The following NUP155 variants were observed in gnomAD, a reference collection of about 807,000 sequenced individuals.
NUP155 encodes the protein nucleoporin 155.
Under a neutral mutation model 180.4 loss-of-function variants are expected in NUP155, and 71 were observed. The observed-to-expected ratio is 0.39, with a 90% CI of 0.33 to 0.48. NUP155 has a LOEUF of 0.48. NUP155 is among the 20% of genes least tolerant of loss of function. NUP155 has a pLI of 0.91. For synonymous variants in NUP155, 582 were observed against 559.5 expected, an observed-to-expected ratio of 1.04 and a Z score of -0.57; for missense variants, 1,553 against 1,648.9, an observed-to-expected ratio of 0.94 and a Z score of 1.01.
At chr5:37,318,521 A>C (rs1335432986) in intron 20 of NUP155, among the ~76,000 whole-genome samples, 2 of 149,510 alleles carry the variant, frequency 1.3e-5, no homozygotes, top group Non-Finnish European at 2.9e-5. Flanking sequence ...CCCAAATCTG[A>C]AACGTTTTGC....
chr5:37,319,658 G>C (rs1339858362), intron 20 of NUP155, among the ~76,000 whole-genome samples: 2 of 152,120 alleles, frequency 1.3e-5, no homozygotes, highest in African/African-American at 4.8e-5. Flanking sequence ...CTAAGCCCAG[G>C]AGTGCAAGAT....
At chr5:37,301,019 T>G (rs1050526470) in intron 30 of NUP155, 2 of 194,566 alleles carry the variant, frequency 1.0e-5, no homozygotes, top group Admixed American at 1.1e-4. Flanking sequence ...AGACAGAGTT[T>G]CCCCATGTTG....
intron 33 of NUP155, among the ~76,000 whole-genome samples, chr5:37,294,043 A>ATTCTTAAT (rs1193737171): frequency 1.3e-5 from 2 of 150,730 alleles, no homozygotes; most frequent in East Asian, 3.9e-4. Flanking sequence ...GCAAATGATG[A>ATTCTTAAT]TTCTTAATGT....
At chr5:37,321,192 A>T (rs1417026187) in intron 20 of NUP155, among the ~76,000 whole-genome samples, 1 of 152,094 alleles carries the variant, frequency 6.6e-6, no homozygotes, top group Non-Finnish European at 1.5e-5. Context: ...CTACAAATAG[A>T]AAAATTAGCC....
At chr5:37,364,643 T>TTA (rs1554133413) in intron 1 of NUP155, among the ~76,000 whole-genome samples, 45 of 50,022 alleles carry the variant, frequency 9.0e-4, no homozygotes, top group Middle Eastern at 0.012. Flanking sequence ...TTATTTTATT[T>TTA]TTTTTTTTTT....
chr5:37,323,575 A>C (rs1744386686), intron 20 of NUP155, among the ~76,000 whole-genome samples: 1 of 150,850 alleles, frequency 6.6e-6, no homozygotes, highest in Non-Finnish European at 1.5e-5. Flanking sequence ...CCATTTATAT[A>C]ACTATATTTC....
chr5:37,350,198 A>G lies in NUP155; in HGVS notation c.791T>C (p.Leu264Pro). 1 of 1,613,944 alleles carries G rather than the reference A, an allele frequency of 6.2e-7. No homozygotes were observed. Among genetic ancestry groups the G allele is most frequent in the Non-Finnish European group, 8.5e-7 (1 of 1,179,894 alleles). ...CGTGAATTGTAGCAAGGAAGGAACA[A>G]GGAAAGAAAGTGAGCTCTTTGAGTG... ...INHSKSSLSF[L>P]VPSLLQFTFS... The change falls in exon 7 of 35, where the codon CTT (leucine) becomes CCT (proline). Residue 264 changes from leucine to proline, a missense_variant. Physicochemically the swap from Leu to Pro is moderately conservative, Grantham distance 98. Transcript: ENST00000231498.
intron 27 of NUP155, 110 bp from the exon 28 acceptor site, chr5:37,303,524 G>T: frequency 1.1e-6 from 1 of 872,956 alleles, no homozygotes; most frequent in South Asian, 1.5e-5. Context: ...CTTGTTTTAT[G>T]AAAACAAGCA....
intron 30 of NUP155, chr5:37,301,121 C>A (rs759215360): frequency 9.2e-6 from 3 of 326,232 alleles, no homozygotes; most frequent in Non-Finnish European, 1.8e-5. Context: ...CAGTGCCTGG[C>A]CTTTTTTGCT....
intron 1 of NUP155, among the ~76,000 whole-genome samples, chr5:37,368,839 A>C (rs1747776315): frequency 6.6e-6 from 1 of 152,110 alleles, no homozygotes; most frequent in African/African-American, 2.4e-5. Flanking sequence ...AAGCAAATCC[A>C]GACATCCCAT....
At chr5:37,296,030 G>A in intron 32 of NUP155, among the ~76,000 whole-genome samples, 1 of 144,482 alleles carries the variant, frequency 6.9e-6, no homozygotes, top group African/African-American at 2.6e-5. Context: ...CGCCCGGCCA[G>A]CCGCCCTGTC....
rs1234782885 is a variant in NUP155 at position 37,294,443 on chromosome 5, T to C, written c.3816A>G (p.Glu1272=). ...CCCAGTTCAAAGTACAAACCTGCTGTTCTAAAAACTGTACAATAAAATCTG... is the reference window on the plus strand; with the variant it reads ...CCCAGTTCAAAGTACAAACCTGCTGCTCTAAAAACTGTACAATAAAATCTG... ...FPLDFIVQFL[E]QQVCTLNWDV... The change falls in exon 33 of 35, where the codon GAA becomes GAG. Residue 1272 remains glutamate (E), a synonymous_variant. Coordinates refer to ENST00000231498, the MANE Select transcript of NUP155 (RefSeq NM_153485.3). 6.2e-7 allele frequency: 1 copy of C among 1,613,892 alleles called. No homozygotes were observed. The highest frequency in any genetic ancestry group is 2.2e-5 in the East Asian group (1 of 44,848).
intron 9 of NUP155, among the ~76,000 whole-genome samples, chr5:37,347,250 G>C (rs1050357901): frequency 6.6e-6 from 1 of 151,926 alleles, no homozygotes; most frequent in African/African-American, 2.4e-5. Flanking sequence ...ACAAAAAACC[G>C]AAAGAGTGAA....
rs1742171767 is a variant in NUP155 at position 37,290,152 on chromosome 5, A to T, written c.*1748T>A. The T allele has an allele frequency of 5.9e-5, 9 of 152,182 alleles. No homozygotes were observed. The highest frequency in any genetic ancestry group is 5.9e-4 in the Admixed American group (9 of 15,248). The allele number at this position is 152,182 out of a possible 1,614,324, so 9.4% of individuals were successfully genotyped here. A position where few individuals can be genotyped will look rare whatever the true frequency, so the allele number is the denominator to read the frequency against. ...GTTAGACATGCATCACTTACAATAA[A>T]CAGAAGGTAATTATTTGTGGTAGCA... On this transcript the variant is annotated 3_prime_UTR_variant, in exon 35 of 35. Transcript: ENST00000231498.
intron 12 of NUP155, 24 bp from the exon 13 acceptor site, chr5:37,333,657 T>C (rs201466464): frequency 1.3e-6 from 2 of 1,585,698 alleles, no homozygotes; most frequent in African/African-American, 2.7e-5. Context: ...ATAAATGTTT[T>C]ATACATCATA....
intron 20 of NUP155, among the ~76,000 whole-genome samples, chr5:37,322,706 CA>C (rs1172972564): frequency 0.048 from 4,900 of 101,838 alleles, 99 homozygotes; most frequent in Middle Eastern, 0.12. Flanking sequence ...GACTCTGTCT[CA>C]AAAAAAAAAA....
rs1266151999 is a variant in NUP155 at position 37,348,513 on chromosome 5, G to A, written c.987C>T (p.Asn329=). The A allele has an allele frequency of 2.5e-6, 4 of 1,598,578 alleles. No individual in the cohort carries two copies. The highest frequency in any genetic ancestry group is 3.4e-6 in the Non-Finnish European group (4 of 1,165,920). ...SQNAIVSAAG[N]IARTIDRSVF... ...AATAAATTACATGTTACCTAGCAAT[G>A]TTACCAGCAGCAGAGACAATGGCAT... Residue 329 remains asparagine, a synonymous_variant, in exon 9 of 35, where the codon AAC becomes AAT. Coordinates refer to ENST00000231498, the MANE Select transcript of NUP155 (RefSeq NM_153485.3).
chr5:37,322,996 C>G (rs1744347918), intron 20 of NUP155, among the ~76,000 whole-genome samples: 1 of 150,934 alleles, frequency 6.6e-6, no homozygotes, highest in Non-Finnish European at 1.5e-5. Flanking sequence ...CAAATGTCCA[C>G]TCTTGGTCGG....
At chr5:37,345,642 T>G (rs1379478401) in intron 9 of NUP155, among the ~76,000 whole-genome samples, 1 of 151,956 alleles carries the variant, frequency 6.6e-6, no homozygotes, top group Non-Finnish European at 1.5e-5. Context: ...CAGTGGCTCA[T>G]GCCTGTAATC....
Sources: gnomAD v4.1 joint callset for allele counts (sites outside exome capture counted in the v4.1 genomes callset) on GRCh38, gnomAD v4.1.1 for gene constraint, MANE v1.5 for transcripts, NCBI Gene and HGNC (gene_info 2026-07-23, HGNC 2026-07-21) for gene names.